Variants in EYS observed in about 807,000 individuals in gnomAD.
EYS encodes EGF-like photoreceptor maintenance factor.
A neutral mutation model predicts 282.1 loss-of-function variants in EYS; 250 were observed. That is an observed-to-expected ratio of 0.89 (90% confidence interval 0.80 to 0.98). EYS has a LOEUF of 0.98. Among genes scored for constraint, EYS ranks in the 50% least tolerant of loss-of-function variants. The pLI is 0.00. For synonymous variants in EYS, 1,355 were observed against 1,282.9 expected (o/e 1.06, Z -1.20); for missense variants, 4,016 against 3,709.0 (o/e 1.08, Z -2.15).
chr6:64,836,543 T>TCACTAGCAG (rs1275177228), intron 19 of EYS, among the ~76,000 whole-genome samples: 13 of 151,688 alleles, frequency 8.6e-5, no homozygotes, highest in Middle Eastern at 3.4e-3. Context: ...ACTGTTTACC[T>TCACTAGCAG]CACTAGCAGG....
chr6:65,437,071 A>G (rs1442405864), intron 5 of EYS, among the ~76,000 whole-genome samples: 1 of 152,130 alleles, frequency 6.6e-6, no homozygotes, highest in African/African-American at 2.4e-5. Context: ...AGCAGAATAG[A>G]AAGTCTGTAT....
At chr6:64,901,116 C>A (rs1244436143) in intron 18 of EYS, among the ~76,000 whole-genome samples, 1 of 151,766 alleles carries the variant, frequency 6.6e-6, no homozygotes, top group Non-Finnish European at 1.5e-5. Context: ...TGGAAACCAT[C>A]ATTCTTTGCA....
intron 22 of EYS, among the ~76,000 whole-genome samples, chr6:64,694,035 A>T (rs987467587): frequency 2.0e-5 from 3 of 152,190 alleles, no homozygotes; most frequent in Non-Finnish European, 4.4e-5. Context: ...TCAATGAATA[A>T]GGAGAAAAAA....
chr6:64,383,649 C>A (rs1772820072), intron 29 of EYS, among the ~76,000 whole-genome samples: 1 of 152,158 alleles, frequency 6.6e-6, no homozygotes, highest in Non-Finnish European at 1.5e-5. Flanking sequence ...AGTAAGTGGA[C>A]CCCTATAAAT....
chr6:65,242,720 T>C (rs1330737418), intron 12 of EYS, among the ~76,000 whole-genome samples: 1 of 152,170 alleles, frequency 6.6e-6, no homozygotes, highest in African/African-American at 2.4e-5. Context: ...TGCTGGATGA[T>C]TTTACATTTT....
At chr6:65,243,148 A>AT (rs1438424765) in intron 12 of EYS, among the ~76,000 whole-genome samples, 1 of 152,164 alleles carries the variant, frequency 6.6e-6, no homozygotes, top group Non-Finnish European at 1.5e-5. Flanking sequence ...ATGTGCATTC[A>AT]TTTATTCATT....
chr6:64,700,459 A>C (rs573233423), intron 22 of EYS, among the ~76,000 whole-genome samples: 7 of 152,124 alleles, frequency 4.6e-5, no homozygotes, highest in Admixed American at 1.3e-4. Context: ...TTAGTTGACA[A>C]TATATTCTTA....
intron 30 of EYS, among the ~76,000 whole-genome samples, chr6:64,306,680 AAACT>A (rs1471043572): frequency 6.6e-6 from 1 of 152,184 alleles, no homozygotes; most frequent in East Asian, 1.9e-4. Context: ...CTTCATTTTT[AAACT>A]AACTCTGATA....
chr6:64,881,033 C>A (rs1369296484), intron 19 of EYS, among the ~76,000 whole-genome samples: 1 of 151,506 alleles, frequency 6.6e-6, no homozygotes. Context: ...TCTGACACAC[C>A]TGGCCTGAAT....
At chr6:64,989,084 A>T (rs1171652568) in intron 14 of EYS, among the ~76,000 whole-genome samples, 3 of 151,404 alleles carry the variant, frequency 2.0e-5, no homozygotes, top group African/African-American at 7.3e-5. Flanking sequence ...AGTAAAATAC[A>T]TGAAGCATTT....
At chr6:64,697,052 C>A (rs943151925) in intron 22 of EYS, among the ~76,000 whole-genome samples, 3 of 152,036 alleles carry the variant, frequency 2.0e-5, no homozygotes, top group Admixed American at 1.3e-4. Flanking sequence ...AGGAACAAAT[C>A]CTGTCAGAAC....
At chr6:65,360,791 C>G (rs937707099) in intron 8 of EYS, among the ~76,000 whole-genome samples, 5 of 151,992 alleles carry the variant, frequency 3.3e-5, no homozygotes, top group African/African-American at 4.8e-5. Flanking sequence ...CCAAGAAATC[C>G]CATTTAGTGT....
intron 29 of EYS, among the ~76,000 whole-genome samples, chr6:64,313,015 C>CTCAT (rs1769784645): frequency 6.6e-6 from 1 of 152,216 alleles, no homozygotes; most frequent in Non-Finnish European, 1.5e-5. Flanking sequence ...GGGAACAAAA[C>CTCAT]TGGATGAACA....
In EYS at chr6:64,802,343, C is replaced by G. The variant is rs549138312; in HGVS notation, c.3443+11035G>C. 3.9e-5 allele frequency among the ~76,000 whole-genome samples: 6 copies of G among 152,014 alleles called. No homozygotes were observed. The South Asian group carries it at 1.2e-3, about 32-fold the overall frequency. On this transcript the variant is annotated intron_variant, in intron 22 of 42. Coordinates refer to ENST00000503581, the MANE Select transcript of EYS (RefSeq NM_001142800.2). Reference sequence around the variant, plus strand: ...CTGGGATTACAGGAGTGAGCCACCACGTCCGGCCGAGTTATAACAAATTTC... The same window carrying G: ...CTGGGATTACAGGAGTGAGCCACCAGGTCCGGCCGAGTTATAACAAATTTC...
chr6:64,952,728 A>T (rs7767572), intron 14 of EYS, among the ~76,000 whole-genome samples: 9 of 151,960 alleles, frequency 5.9e-5, no homozygotes, highest in Non-Finnish European at 1.2e-4. Flanking sequence ...TTTATGATAC[A>T]TTTAAAGCAT....
intron 26 of EYS, among the ~76,000 whole-genome samples, chr6:64,581,930 T>C (rs541416662): frequency 1.6e-4 from 24 of 152,242 alleles, no homozygotes; most frequent in African/African-American, 5.5e-4. Flanking sequence ...ATTAAGTAGG[T>C]CTGAAATCTG....
chr6:64,310,547 T>C (rs1200215809), intron 29 of EYS, among the ~76,000 whole-genome samples: 1 of 152,078 alleles, frequency 6.6e-6, no homozygotes, highest in Non-Finnish European at 1.5e-5. Flanking sequence ...GCTGGATACA[T>C]AGAGGTGAAC....
chr6:63,833,865 C>T (rs758385591), intron 36 of EYS, among the ~76,000 whole-genome samples: 13 of 151,936 alleles, frequency 8.6e-5, no homozygotes, highest in Non-Finnish European at 1.6e-4. Flanking sequence ...AACAGAGATA[C>T]AGACCAATGG....
rs1770445893 is a variant in EYS at position 63,789,194 on chromosome 6, C to T, written c.7442G>A (p.Gly2481Asp). 2.6e-6 allele frequency: 4 copies of T among 1,551,672 alleles called. No individual in the cohort carries two copies. Among genetic ancestry groups the T allele is most frequent in the Non-Finnish European group, 3.5e-6 (4 of 1,146,946 alleles). The change falls in exon 38 of 43, where the codon GGC (glycine) becomes GAC (aspartate). Residue 2481 changes from glycine to aspartate, a missense_variant. Coordinates refer to ENST00000503581, the MANE Select transcript of EYS (RefSeq NM_001142800.2). ...GLNGDDFLAV[G>D]LLNGSVVYSY... ...ATAAACCACACTGCCATTGAGCAGG[C>T]CCACAGCCAGGAAGTCATCGCCATT...
Sources: gnomAD v4.1 joint callset for allele counts (sites outside exome capture counted in the v4.1 genomes callset) on GRCh38, gnomAD v4.1.1 for gene constraint, MANE v1.5 for transcripts, NCBI Gene and HGNC (gene_info 2026-07-23, HGNC 2026-07-21) for gene names.